PVR: variants seen among roughly 807,000 people sequenced by gnomAD.
The protein encoded by PVR is poliovirus receptor.
In PVR, 39 loss-of-function variants were observed where a neutral mutation model predicts 43.3. That is an observed-to-expected ratio of 0.90 (90% CI 0.70 to 1.18). The LOEUF is 1.18. Among genes scored for constraint, PVR ranks in the 50% most tolerant of loss-of-function variants. The pLI is 0.00. For missense variants in PVR, 480 were observed against 549.7 expected, an observed-to-expected ratio of 0.87 and a Z score of 1.27; for synonymous variants, 224 against 233.2, an observed-to-expected ratio of 0.96 and a Z score of 0.36.
At chr19:44,661,125 C>T (rs934435442) in intron 6 of PVR, among the ~76,000 whole-genome samples, 167 bp from the exon 7 acceptor site, 1 of 152,062 alleles carries the variant, frequency 6.6e-6, no homozygotes, top group Non-Finnish European at 1.5e-5. Context: ...GAAAGCACAC[C>T]CTCCATCCCT....
intron 6 of PVR, among the ~76,000 whole-genome samples, chr19:44,659,993 C>T (rs779742447): frequency 3.9e-5 from 6 of 152,140 alleles, no homozygotes; most frequent in Non-Finnish European, 7.3e-5. Context: ...ACAACCCAGG[C>T]GGATACTGCC....
chr19:44,656,514 C>T (rs1489817402), intron 4 of PVR, among the ~76,000 whole-genome samples: 1 of 152,224 alleles, frequency 6.6e-6, no homozygotes, highest in African/African-American at 2.4e-5. Context: ...TGACTACTTA[C>T]TGTGTGCCGG....
In PVR at chr19:44,645,022, T is replaced by C. The variant is rs1189889812; in HGVS notation, c.79+847T>C. ...ATATAATAAAAATATATAATATATA[T>C]TATAGTAATATATAATATATAATAA... On this transcript the variant is annotated intron_variant, in intron 1 of 7. Coordinates refer to ENST00000425690, the MANE Select transcript of PVR (RefSeq NM_006505.5). 9.8e-5 allele frequency among the ~76,000 whole-genome samples: 11 copies of C among 111,702 alleles called. No individual in the cohort carries two copies. The Admixed American group carries it at 1.4e-3, about 14-fold the overall frequency. 73.3% of individuals were successfully genotyped at this position (111,702 alleles called of 152,430 possible). A position where few individuals can be genotyped will look rare whatever the true frequency, so the allele number is the denominator to read the frequency against.
chr19:44,644,192 C>G lies in PVR; in HGVS notation c.79+17C>G, dbSNP rs1262909173. Reference sequence around the variant, plus strand: ...CAGGAACCGGTGAGTGACCCCCGCGCAGTCCGGTGGCCCCTGTCTGGCTCC... The same window carrying G: ...CAGGAACCGGTGAGTGACCCCCGCGGAGTCCGGTGGCCCCTGTCTGGCTCC... On this transcript the variant is annotated intron_variant, in intron 1 of 7. Transcript: ENST00000425690. The G allele has an allele frequency of 2.7e-6, 4 of 1,485,662 alleles. No individual in the cohort carries two copies. The highest frequency in any genetic ancestry group is 2.9e-5 in the African/African-American group (2 of 68,612). 92.0% of individuals were successfully genotyped at this position (1,485,662 alleles called of 1,614,324 possible). A position where few individuals can be genotyped will look rare whatever the true frequency, so the allele number is the denominator to read the frequency against.
rs1428409760 is a variant in PVR at position 44,644,164 on chromosome 19, C to T, written c.68C>T (p.Pro23Leu). ...LVALLVLSWP[P>L]PGTGDVVVQA... ...GCGCTACTGGTGCTGTCCTGGCCAC[C>T]CCCAGGAACCGGTGAGTGACCCCCG... Residue 23 changes from proline (P) to leucine (L), a missense_variant, in exon 1 of 8, where the codon CCC (proline) becomes CTC (leucine). Transcript: ENST00000425690. The T allele has an allele frequency of 1.3e-6, 2 of 1,505,444 alleles. No individual in the cohort carries two copies. 93.3% of individuals were successfully genotyped at this position (1,505,444 alleles called of 1,614,324 possible).
chr19:44,653,825 G>A (rs998818034), intron 3 of PVR, 75 bp from the exon 4 acceptor site: 10 of 986,508 alleles, frequency 1.0e-5, no homozygotes, highest in East Asian at 2.4e-5. Context: ...TTTTCCTGCA[G>A]TGTCGTGAAT....
intron 3 of PVR, among the ~76,000 whole-genome samples, chr19:44,652,156 A>C (rs1973298999): frequency 6.6e-6 from 1 of 152,186 alleles, no homozygotes; most frequent in South Asian, 2.1e-4. Flanking sequence ...ACTCCATCTC[A>C]AAAACAAGAA....
chr19:44,645,227 T>A (rs28811731), intron 1 of PVR, among the ~76,000 whole-genome samples: 7,949 of 60,410 alleles, frequency 0.13, 720 homozygotes, highest in African/African-American at 0.23. Flanking sequence ...TATATATTAT[T>A]ATAATATATA....
intron 5 of PVR, 97 bp from the exon 6 acceptor site, chr19:44,658,645 G>A: frequency 9.2e-7 from 1 of 1,090,416 alleles, no homozygotes; most frequent in Non-Finnish European, 1.3e-6. Context: ...AGGCAGTGGA[G>A]TGGTGGCTCC....
intron 1 of PVR, among the ~76,000 whole-genome samples, chr19:44,644,382 G>A (rs1397295666): frequency 1.3e-5 from 2 of 152,182 alleles, no homozygotes; most frequent in Non-Finnish European, 2.9e-5. Flanking sequence ...GGTCGGAGTT[G>A]GGTACAGAAA....
intron 2 of PVR, among the ~76,000 whole-genome samples, chr19:44,648,308 A>G (rs1404390895): frequency 6.6e-6 from 1 of 152,092 alleles, no homozygotes; most frequent in Non-Finnish European, 1.5e-5. Flanking sequence ...AAGAAGGAGA[A>G]AGTTGAAACA....
In PVR at chr19:44,647,518, C is replaced by A. The variant is rs748886349; in HGVS notation, c.375C>A (p.Phe125Leu). 2.5e-5 allele frequency: 40 copies of A among 1,613,874 alleles called. 1 individual carries two copies. The Admixed American group carries it at 6.2e-4, about 25-fold the overall frequency. ...ATGAAGGCAACTACACCTGCCTGTTCGTCACGTTCCCGCAGGGCAGCAGGA... is the reference window on the plus strand; with the variant it reads ...ATGAAGGCAACTACACCTGCCTGTTAGTCACGTTCCCGCAGGGCAGCAGGA... Reference protein sequence around the residue: ...VEDEGNYTCLFVTFPQGSRSV... With the variant: ...VEDEGNYTCLLVTFPQGSRSV... The change falls in exon 2 of 8, where the codon TTC (phenylalanine) becomes TTA (leucine). Residue 125 changes from phenylalanine (F) to leucine (L), a missense_variant. Physicochemically the swap from Phe to Leu is conservative, Grantham distance 22 (BLOSUM62 0). Coordinates refer to ENST00000425690, the MANE Select transcript of PVR (RefSeq NM_006505.5).
chr19:44,659,408 G>A (rs1358923060), intron 6 of PVR, among the ~76,000 whole-genome samples: 2 of 152,192 alleles, frequency 1.3e-5, no homozygotes, highest in African/African-American at 4.8e-5. Flanking sequence ...ACGATGCTTT[G>A]CTGAGCACTG....
At chr19:44,652,058 G>A (rs996754727) in intron 3 of PVR, among the ~76,000 whole-genome samples, 1 of 152,210 alleles carries the variant, frequency 6.6e-6, no homozygotes, top group Admixed American at 6.5e-5. Flanking sequence ...TCGGGAGACT[G>A]AGGCAGGAGA....
chr19:44,650,238 G>A (rs1046729139), intron 3 of PVR, 133 bp downstream of exon 3: 22 of 816,356 alleles, frequency 2.7e-5, no homozygotes, highest in Non-Finnish European at 3.6e-5. Context: ...CTGTCTACAC[G>A]ACCCACCCCC....
rs750456208 is a variant in PVR at position 44,661,829 on chromosome 19, G to C, written c.*18G>C. On this transcript the variant is annotated 3_prime_UTR_variant, in exon 8 of 8. Transcript: ENST00000425690. ...CAAGGTGACAGCGTCGGGACTGAGA[G>C]GGGAGAGAGACTGGAGCTGGCAAGG... 5 of 1,612,276 alleles carry C rather than the reference G, an allele frequency of 3.1e-6. No homozygotes were observed. In the Admixed American group the frequency reaches 8.3e-5, roughly 27 times the overall value.
chr19:44,650,689 A>C (rs1433605557), intron 3 of PVR, among the ~76,000 whole-genome samples: 1 of 150,854 alleles, frequency 6.6e-6, no homozygotes, highest in Admixed American at 6.6e-5. Context: ...CAGCCTCCCA[A>C]ATAGCTGGGA....
rs1164926868 is a variant in PVR, at chr19:44,645,413, GTGTATATATATATATATA to G, written c.79+1240_79+1257del. ...ATTTTATTATTTATTTATATGTTTT[GTGTATATATATATATATA>G]TATATATATATATAGTGCGTGTGTG... is the stretch of plus-strand genomic sequence containing the variant. On this transcript the variant is annotated intron_variant, in intron 1 of 7. Coordinates refer to ENST00000425690, the MANE Select transcript of PVR (RefSeq NM_006505.5). Among the ~76,000 whole-genome samples the G allele has an allele frequency of 7.7e-5, 4 of 52,106 alleles. 1 individual carries two copies. Among genetic ancestry groups the G allele is most frequent in the African/African-American group, 2.7e-4 (3 of 11,090 alleles). 34.2% of individuals were successfully genotyped at this position (52,106 alleles called of 152,430 possible).
intron 3 of PVR, chr19:44,653,682 C>T: frequency 2.0e-6 from 1 of 506,668 alleles, no homozygotes. Context: ...TGGAGAAAAG[C>T]AGCTCCTCAG....
Sources: gnomAD v4.1 joint callset for allele counts (sites outside exome capture counted in the v4.1 genomes callset) on GRCh38, gnomAD v4.1.1 for gene constraint, MANE v1.5 for transcripts, NCBI Gene and HGNC (gene_info 2026-07-23, HGNC 2026-07-21) for gene names.